PTPRD: variants seen among roughly 807,000 people sequenced by gnomAD.
PTPRD encodes the protein protein tyrosine phosphatase receptor type D.
Under a neutral mutation model 214.5 loss-of-function variants are expected in PTPRD, and 34 were observed. That is an observed-to-expected ratio of 0.16 (90% confidence interval 0.12 to 0.21). The LOEUF (loss-of-function observed/expected upper bound fraction) is 0.21. Ranked by LOEUF, PTPRD falls within the 10% of genes least tolerant of loss-of-function variation. The pLI is 1.00. For synonymous variants in PTPRD, 1,128 were observed against 845.7 expected (o/e 1.33, Z -5.79); for missense variants, 2,545 against 2,398.7 (o/e 1.06, Z -1.27).
intron 3 of PTPRD, among the ~76,000 whole-genome samples, chr9:10,236,068 A>C (rs2099627878): frequency 6.6e-6 from 1 of 151,874 alleles, no homozygotes; most frequent in South Asian, 2.1e-4. Flanking sequence ...AATGACCTTA[A>C]AGTCATTTTT....
intron 2 of PTPRD, among the ~76,000 whole-genome samples, chr9:10,504,378 A>G (rs1406366338): frequency 2.6e-5 from 4 of 152,088 alleles, no homozygotes; most frequent in Non-Finnish European, 5.9e-5. Flanking sequence ...GTGACAGAAC[A>G]CTTCGGTTTA....
chr9:9,584,359 C>CATT lies in PTPRD; in HGVS notation c.-286-9581_-286-9579dup, dbSNP rs565638451. On this transcript the variant is annotated intron_variant, in intron 7 of 45. Coordinates refer to ENST00000381196, the MANE Select transcript of PTPRD (RefSeq NM_002839.4). ...ACATTAAAACATTTTATTTCATCAC[C>CATT]ATTATTATTATTATTATTATTTGCT... Among the ~76,000 whole-genome samples the CATT allele has an allele frequency of 4.3e-4, 64 of 149,208 alleles. 1 individual carries two copies. The East Asian group carries it at 7.3e-3, about 17-fold the overall frequency.
chr9:10,108,549 A>T (rs755444096), intron 3 of PTPRD, among the ~76,000 whole-genome samples: 3 of 151,712 alleles, frequency 2.0e-5, no homozygotes, highest in Non-Finnish European at 2.9e-5. Context: ...GGTACCATAT[A>T]TAAATGAGCT....
intron 2 of PTPRD, among the ~76,000 whole-genome samples, chr9:10,413,387 A>T (rs2098456699): frequency 6.6e-6 from 1 of 151,848 alleles, no homozygotes; most frequent in African/African-American, 2.4e-5. Flanking sequence ...AAATACTTAG[A>T]AAAACAGCTC....
At chr9:8,940,735 T>G (rs991966317) in intron 11 of PTPRD, among the ~76,000 whole-genome samples, 1 of 152,028 alleles carries the variant, frequency 6.6e-6, no homozygotes, top group African/African-American at 2.4e-5. Context: ...AGCCAATAAT[T>G]CTCTGAAATA....
chr9:9,091,862 T>C (rs1183081732), intron 10 of PTPRD, among the ~76,000 whole-genome samples: 1 of 152,162 alleles, frequency 6.6e-6, no homozygotes, highest in Non-Finnish European at 1.5e-5. Context: ...TAAAACTCAA[T>C]TGGGTTTTGT....
intron 9 of PTPRD, among the ~76,000 whole-genome samples, chr9:9,332,507 A>G (rs1288137734): frequency 6.6e-6 from 1 of 151,826 alleles, no homozygotes; most frequent in Non-Finnish European, 1.5e-5. Context: ...AGTAAATGCG[A>G]TAGTCGAGGA....
chr9:10,330,383 C>G (rs58915307), intron 3 of PTPRD, among the ~76,000 whole-genome samples: 7,685 of 151,802 alleles, frequency 0.051, 620 homozygotes, highest in African/African-American at 0.18. Context: ...GAGACCAATT[C>G]CTGGGCAGAT....
chr9:8,532,789 T>C (rs1409858231), intron 14 of PTPRD, among the ~76,000 whole-genome samples: 2 of 152,062 alleles, frequency 1.3e-5, no homozygotes, highest in African/African-American at 4.8e-5. Flanking sequence ...CATAGAGTCA[T>C]ACATATTTTG....
intron 11 of PTPRD, among the ~76,000 whole-genome samples, chr9:8,841,450 T>C (rs1244033736): frequency 9.9e-5 from 15 of 152,134 alleles, no homozygotes. Flanking sequence ...AATTAAAAAA[T>C]GTTGTGTGGG....
chr9:9,048,681 G>C (rs1175667033), intron 10 of PTPRD, among the ~76,000 whole-genome samples: 1 of 152,218 alleles, frequency 6.6e-6, no homozygotes, highest in South Asian at 2.1e-4. Context: ...AGTGGCAGTG[G>C]GGCAGGTGGG....
intron 9 of PTPRD, among the ~76,000 whole-genome samples, chr9:9,184,127 A>T (rs1043891740): frequency 3.3e-5 from 5 of 151,922 alleles, no homozygotes; most frequent in African/African-American, 1.2e-4. Flanking sequence ...CAAAGTTGTC[A>T]TCTCATGGGG....
intron 8 of PTPRD, among the ~76,000 whole-genome samples, chr9:9,470,075 C>T (rs893696914): frequency 6.6e-6 from 1 of 152,080 alleles, no homozygotes; most frequent in Non-Finnish European, 1.5e-5. Flanking sequence ...AAGTGCATAC[C>T]TTTGCAGAAG....
chr9:10,413,105 A>T (rs1201336419), intron 2 of PTPRD, among the ~76,000 whole-genome samples: 1 of 151,840 alleles, frequency 6.6e-6, no homozygotes, highest in Non-Finnish European at 1.5e-5. Flanking sequence ...ATTGAAAGTC[A>T]TAGGAAGAGC....
In PTPRD at chr9:9,838,617, C is replaced by T. The variant is rs1396319715; in HGVS notation, c.-367-71766G>A. Reference sequence around the variant, plus strand: ...CTTCACCCACTTTTTAATTGGGTTGCTTTTTTCTTGTAAATTTGTTTGAGT... The same window carrying T: ...CTTCACCCACTTTTTAATTGGGTTGTTTTTTTCTTGTAAATTTGTTTGAGT... On this transcript the variant is annotated intron_variant, in intron 5 of 45. Coordinates refer to ENST00000381196, the MANE Select transcript of PTPRD (RefSeq NM_002839.4). 7.9e-5 allele frequency among the ~76,000 whole-genome samples: 12 copies of T among 151,492 alleles called. No individual in the cohort carries two copies. The South Asian group carries it at 1.7e-3, about 21-fold the overall frequency.
intron 11 of PTPRD, among the ~76,000 whole-genome samples, chr9:8,837,072 C>T (rs1324433767): frequency 7.0e-6 from 1 of 143,844 alleles, no homozygotes; most frequent in African/African-American, 2.6e-5. Context: ...GTCACCCAGG[C>T]TGGAGTGCAG....
rs183461625 is a variant in PTPRD at position 8,506,528 on chromosome 9, C to G, written c.1677+773G>C. On this transcript the variant is annotated intron_variant, in intron 22 of 45. Transcript: ENST00000381196. ...AACTCGACTGCCTAGACTCAAATCC[C>G]AGCTCTGCCATCCACTAGTGCGAGA... Among the ~76,000 whole-genome samples the G allele has an allele frequency of 5.3e-4, 80 of 152,290 alleles. No homozygotes were observed. The Middle Eastern group carries it at 0.01, about 19-fold the overall frequency.
chr9:8,500,828 A>C lies in PTPRD; in HGVS notation c.2054T>G (p.Ile685Ser). ...EQLEKWTEYR[I>S]TVTAHTDVGP... ...GACATCTGTATGGGCTGTCACAGTGATCCGGTATTCAGTCCATTTTTCCAG... is the reference window on the plus strand; with the variant it reads ...GACATCTGTATGGGCTGTCACAGTGCTCCGGTATTCAGTCCATTTTTCCAG... The change falls in exon 24 of 46, where the codon ATC becomes AGC. Residue 685 changes from isoleucine to serine, a missense_variant. By Grantham distance (142) the Ile-to-Ser change is moderately radical. Transcript: ENST00000381196. The C allele has an allele frequency of 6.2e-7, 1 of 1,614,152 alleles. No homozygotes were observed. Among genetic ancestry groups the C allele is most frequent in the Non-Finnish European group, 8.5e-7 (1 of 1,180,014 alleles).
intron 26 of PTPRD, among the ~76,000 whole-genome samples, chr9:8,495,219 T>C (rs956337445): frequency 6.6e-6 from 1 of 152,160 alleles, no homozygotes; most frequent in African/African-American, 2.4e-5. Flanking sequence ...AACTTAAAAA[T>C]CATTCCTGGA....
Sources: gnomAD v4.1 joint callset for allele counts (sites outside exome capture counted in the v4.1 genomes callset) on GRCh38, gnomAD v4.1.1 for gene constraint, MANE v1.5 for transcripts, NCBI Gene and HGNC (gene_info 2026-07-23, HGNC 2026-07-21) for gene names.